Variants in ADH1A observed in about 807,000 individuals in gnomAD.
ADH1A encodes alcohol dehydrogenase 1A.
A neutral mutation model predicts 35.2 loss-of-function variants in ADH1A; 29 were observed. The observed-to-expected ratio is 0.82, with a 90% CI of 0.61 to 1.12. The LOEUF (loss-of-function observed/expected upper bound fraction) is 1.12. ADH1A is among the 50% of genes most tolerant of loss of function. The pLI, the probability that ADH1A is intolerant of heterozygous loss-of-function variation, is 0.00. For missense variants in ADH1A, 469 were observed against 464.7 expected (o/e 1.01, Z -0.09); for synonymous variants, 147 against 164.8 (o/e 0.89, Z 0.83).
At chr4:99,286,739 C>T (rs565979342) in intron 3 of ADH1A, 111 bp downstream of exon 3, 94 of 1,522,316 alleles carry the variant, frequency 6.2e-5, no homozygotes, top group Middle Eastern at 2.5e-4. Context: ...GTCCTGGCTG[C>T]GCGGTGACCT....
rs150829005 is a variant in ADH1A, at chr4:99,287,571, C to A, written c.113G>T (p.Arg38Leu). The A allele has an allele frequency of 3.1e-5, 50 of 1,611,566 alleles. No homozygotes were observed. Among genetic ancestry groups the A allele is most frequent in the Non-Finnish European group, 3.9e-5 (46 of 1,178,610 alleles). ...TGGAAAAATGTATTTCACCTTAATA[C>A]GAACTTCATGGGCCTTAGGAGGTGC... The part of the protein sequence containing the change: ...EVAPPKAHEV[R>L]IKMVAVGICG... The change falls in exon 2 of 9, where the codon CGT (arginine) becomes CTT (leucine). Residue 38 changes from arginine (R) to leucine (L), a missense_variant. Arg to Leu is a moderately radical substitution (Grantham distance 102, BLOSUM62 -2). Coordinates refer to ENST00000209668, the MANE Select transcript of ADH1A (RefSeq NM_000667.4).
rs1165885083 is a variant in ADH1A, at chr4:99,280,388, A to T, written c.829-109T>A. 5.8e-6 allele frequency: 9 copies of T among 1,547,532 alleles called. No homozygotes were observed. The Admixed American group carries it at 1.4e-4, about 25-fold the overall frequency. ...AACTGGATTGTGAGTGTGTAGAGGG[A>T]AGAGATTATGTCTTTTGCTCCTTCA... On this transcript the variant is annotated intron_variant, in intron 6 of 8. Coordinates refer to ENST00000209668, the MANE Select transcript of ADH1A (RefSeq NM_000667.4).
chr4:99,277,144 A>G (rs1732888907), intron 8 of ADH1A, among the ~76,000 whole-genome samples: 1 of 152,042 alleles, frequency 6.6e-6, no homozygotes, highest in Admixed American at 6.6e-5. Flanking sequence ...TATCTAGTAT[A>G]GAGTTTTGGG....
chr4:99,289,212 C>T (rs191940605), intron 1 of ADH1A, among the ~76,000 whole-genome samples: 4 of 152,206 alleles, frequency 2.6e-5, no homozygotes, highest in Admixed American at 2.6e-4. Flanking sequence ...TTTATCTACT[C>T]GTTTGTCGAT....
At chr4:99,283,628 G>A (rs1197143332) in intron 5 of ADH1A, among the ~76,000 whole-genome samples, 4 of 152,266 alleles carry the variant, frequency 2.6e-5, no homozygotes, top group African/African-American at 9.6e-5. Context: ...CAGGAGATTA[G>A]TAAAAGATAT....
In ADH1A at chr4:99,284,484, A is replaced by C. The variant is rs116276567; in HGVS notation, c.482T>G (p.Ile161Ser). ...TTTCTCTAGAGGCGAGGCTGCATCA[A>C]TTTTGGCTACTGCATTTTCATCCAC... is the stretch of plus-strand genomic sequence containing the variant. ...TVVDENAVAK[I>S]DAASPLEKVC... Residue 161 changes from isoleucine (I) to serine (S), a missense_variant, in exon 5 of 9, where the codon ATT becomes AGT. Physicochemically the swap from Ile to Ser is moderately radical, Grantham distance 142 (BLOSUM62 -2). Coordinates refer to ENST00000209668, the MANE Select transcript of ADH1A (RefSeq NM_000667.4). 1.9e-6 allele frequency: 3 copies of C among 1,614,112 alleles called. No individual in the cohort carries two copies. Among genetic ancestry groups the C allele is most frequent in the Non-Finnish European group, 2.5e-6 (3 of 1,180,042 alleles).
chr4:99,276,771 C>T, intron 8 of ADH1A, 123 bp from the exon 9 acceptor site: 2 of 896,380 alleles, frequency 2.2e-6, no homozygotes, highest in Non-Finnish European at 1.8e-6. Flanking sequence ...ATCCCACCCC[C>T]ATGCATTCGG....
intron 7 of ADH1A, among the ~76,000 whole-genome samples, chr4:99,279,937 C>G (rs1732958737): frequency 6.6e-6 from 1 of 152,166 alleles, no homozygotes; most frequent in Non-Finnish European, 1.5e-5. Flanking sequence ...TGAAGAGGAA[C>G]AGACTTTGTT....
intron 6 of ADH1A, 51 bp downstream of exon 6, chr4:99,282,295 C>T: frequency 6.2e-7 from 1 of 1,614,150 alleles, no homozygotes. Context: ...AGCCTAAATG[C>T]ATCCTCCAAG....
In ADH1A at chr4:99,280,209, T is replaced by C. The variant is rs754499671; in HGVS notation, c.899A>G (p.Gln300Arg). The change falls in exon 7 of 9, where the codon CAA (glutamine) becomes CGA (arginine). Residue 300 changes from glutamine (Q) to arginine (R), a missense_variant. By Grantham distance (43) the Gln-to-Arg change is conservative. Coordinates refer to ENST00000209668, the MANE Select transcript of ADH1A (RefSeq NM_000667.4). ...CAGCATAGGGTTCATTGAGAGGTTT[T>C]GGGAATCAGGAGGTACCCCTACGAT... Reference protein sequence around the residue: ...SVIVGVPPDSQNLSMNPMLLL... With the variant: ...SVIVGVPPDSRNLSMNPMLLL... 6.2e-7 allele frequency: 1 copy of C among 1,613,936 alleles called. No individual in the cohort carries two copies. The highest frequency in any genetic ancestry group is 1.3e-5 in the African/African-American group (1 of 75,022).
At chr4:99,286,755 A>G in intron 3 of ADH1A, 95 bp downstream of exon 3, 12 of 1,557,214 alleles carry the variant, frequency 7.7e-6, no homozygotes, top group Non-Finnish European at 1.0e-5. Flanking sequence ...GACCTTGGTC[A>G]AGCCCTTTCG....
Position 99,280,249 on chromosome 4 carries a change from A to G in ADH1A, c.859T>C (p.Cys287Arg), listed in dbSNP as rs761666612. The G allele has an allele frequency of 5.6e-6, 9 of 1,613,684 alleles. No homozygotes were observed. The Admixed American group carries it at 1.3e-4, about 24-fold the overall frequency. ...MASLLCCHEACGTSVIVGVPP... is the reference protein window; with the variant it reads ...MASLLCCHEARGTSVIVGVPP... ...ACCCCTACGATGACACTTGTGCCAC[A>G]TGCCTCATGACAACATAACAGGGAA... Residue 287 changes from cysteine (C) to arginine (R), a missense_variant, in exon 7 of 9, where the codon TGT (cysteine) becomes CGT (arginine). By Grantham distance (180) the Cys-to-Arg change is radical. Transcript: ENST00000209668.
Position 99,282,370 on chromosome 4 carries a change from T to A in ADH1A, c.804A>T (p.Glu268Asp). The A allele has an allele frequency of 1.9e-6, 3 of 1,614,200 alleles. No individual in the cohort carries two copies. The highest frequency in any genetic ancestry group is 2.5e-6 in the Non-Finnish European group (3 of 1,180,012). The part of the protein sequence containing the change: ...MTDGGVDFSF[E>D]VIGRLDTMMA... ...CCATGGTGTCAAGCCGACCGATGAC[T>A]TCAAATGAAAAATCCACACCTCCAT... Residue 268 changes from glutamate to aspartate, a missense_variant, in exon 6 of 9, where the codon GAA becomes GAT. Physicochemically the swap from Glu to Asp is conservative, Grantham distance 45 (BLOSUM62 2). Coordinates refer to ENST00000209668, the MANE Select transcript of ADH1A (RefSeq NM_000667.4).
At chr4:99,280,467 G>A (rs917629726) in intron 6 of ADH1A, among the ~76,000 whole-genome samples, 188 bp from the exon 7 acceptor site, 7 of 148,498 alleles carry the variant, frequency 4.7e-5, no homozygotes, top group Non-Finnish European at 8.9e-5. Flanking sequence ...CCCAGAAAAC[G>A]GTTTTTTAAT....
rs1560520367 is a variant in ADH1A, at chr4:99,290,895, A to G, written c.18+2T>C. 3.7e-6 allele frequency: 6 copies of G among 1,613,756 alleles called. No individual in the cohort carries two copies. The East Asian group carries it at 1.3e-4, about 36-fold the overall frequency. On this transcript the variant is annotated splice_donor_variant, in intron 1 of 8. Transcript: ENST00000209668. LOFTEE classifies it high-confidence loss of function. ...TCCAACAGTAATATATTTTTTGCTTACTTTTCCTGCTGTGCTCATGTTGAT... is the reference window on the plus strand; with the variant it reads ...TCCAACAGTAATATATTTTTTGCTTGCTTTTCCTGCTGTGCTCATGTTGAT...
At chr4:99,279,273 C>T (rs527613887) in intron 8 of ADH1A, among the ~76,000 whole-genome samples, 153 bp downstream of exon 8, 1 of 152,212 alleles carries the variant, frequency 6.6e-6, no homozygotes, top group East Asian at 1.9e-4. Context: ...AGGTTTTAAA[C>T]TTCTCTTACA....
At position 99,284,568 on chromosome 4, in the gene ADH1A, C is replaced by G. The variant is rs1240659582; in HGVS notation, c.398G>C (p.Cys133Ser). 1 of 1,614,218 alleles carries G rather than the reference C, an allele frequency of 6.2e-7. No homozygotes were observed. Among genetic ancestry groups the G allele is most frequent in the East Asian group, 2.2e-5 (1 of 44,888 alleles). Residue 133 changes from cysteine (C) to serine (S), a missense_variant, in exon 5 of 9, where the codon TGC becomes TCC. Transcript: ENST00000209668. ...GAAGTGGTGGATGGGCTTCCTCCTG[C>G]AGGTGAACCTGCTGGTGCCATCCTG... ...TLQDGTSRFT[C>S]RRKPIHHFLG...
chr4:99,279,713 G>C, intron 7 of ADH1A, 149 bp from the exon 8 acceptor site: 1 of 942,164 alleles, frequency 1.1e-6, no homozygotes, highest in Non-Finnish European at 1.6e-6. Flanking sequence ...ACCTCAATAA[G>C]CTTTTACAGG....
At chr4:99,279,969 G>A (rs773263402) in intron 7 of ADH1A, among the ~76,000 whole-genome samples, 175 bp downstream of exon 7, 4 of 152,114 alleles carry the variant, frequency 2.6e-5, no homozygotes, top group Admixed American at 6.6e-5. Context: ...CAGAAATGTC[G>A]ATTTTGGGAC....
Sources: allele counts gnomAD v4.1 joint callset (sites outside exome capture counted in the v4.1 genomes callset), GRCh38; gene constraint gnomAD v4.1.1; transcripts MANE v1.5; gene names NCBI Gene and HGNC (gene_info 2026-07-23, HGNC 2026-07-21).